TLN2: variants seen among roughly 807,000 people sequenced by gnomAD.
TLN2 encodes the protein talin-2.
In TLN2, 118 loss-of-function variants were observed where a neutral mutation model predicts 294.7. That is an observed-to-expected ratio of 0.40 (90% CI 0.34 to 0.47). The LOEUF is 0.47. Ranked by LOEUF, TLN2 falls within the 20% of genes least tolerant of loss-of-function variation. The probability of loss-of-function intolerance (pLI) is 0.84; values close to 1 mark genes in which losing one functional copy is unlikely to be tolerated. For synonymous variants in TLN2, 1,431 were observed against 1,304.5 expected, an observed-to-expected ratio of 1.10 and a Z score of -2.09; for missense variants, 3,083 against 3,282.2, an observed-to-expected ratio of 0.94 and a Z score of 1.48.
chr15:62,540,320 A>T (rs2140519982), intron 1 of TLN2, among the ~76,000 whole-genome samples: 1 of 151,728 alleles, frequency 6.6e-6, no homozygotes, highest in Admixed American at 6.6e-5. Flanking sequence ...AGCCTGGGTG[A>T]CGGAGTGAGA....
intron 45 of TLN2, among the ~76,000 whole-genome samples, chr15:62,789,456 C>T (rs990407027): frequency 6.6e-5 from 10 of 152,158 alleles, no homozygotes; most frequent in African/African-American, 1.4e-4. Flanking sequence ...CTATATGCAT[C>T]GTGTCACCTC....
intron 28 of TLN2, among the ~76,000 whole-genome samples, chr15:62,732,557 T>A (rs1253839476): frequency 6.6e-6 from 1 of 152,222 alleles, no homozygotes; most frequent in Non-Finnish European, 1.5e-5. Flanking sequence ...TATGTGAACA[T>A]GTTTTTCATC....
Position 62,640,381 on chromosome 15 carries a change from G to C in TLN2, c.-36-6894G>C, listed in dbSNP as rs750878168. The C allele has an allele frequency of 4.1e-4, 187 of 456,692 alleles. No individual in the cohort carries two copies. In the Middle Eastern group the frequency reaches 5.3e-3, roughly 13 times the overall value. The allele number at this position is 456,692 out of a possible 1,614,324, so 28.3% of individuals were successfully genotyped here. A position where few individuals can be genotyped will look rare whatever the true frequency, so the allele number is the denominator to read the frequency against. ...TGAGTGGCTAGAGGCAGAGAGAAGA[G>C]GGGGACGGTGGCCAGCTCTTACTCT... is the stretch of plus-strand genomic sequence containing the variant. On this transcript the variant is annotated intron_variant, in intron 3 of 58. Transcript: ENST00000636159.
intron 1 of TLN2, among the ~76,000 whole-genome samples, chr15:62,486,452 GT>G (rs34975634): frequency 0.33 from 30,496 of 93,508 alleles, 3,822 homozygotes; most frequent in East Asian, 0.61. Context: ...CAGTTCCTTT[GT>G]TTTTTTTTTT....
intron 1 of TLN2, among the ~76,000 whole-genome samples, chr15:62,448,595 G>A (rs2035945597): frequency 1.3e-5 from 2 of 152,244 alleles, no homozygotes; most frequent in Admixed American, 6.5e-5. Context: ...CATGCAGGGG[G>A]AGGGAAAGAC....
intron 27 of TLN2, among the ~76,000 whole-genome samples, chr15:62,725,914 C>T (rs868611303): frequency 3.5e-4 from 54 of 152,246 alleles, no homozygotes; most frequent in African/African-American, 1.2e-3. Flanking sequence ...GGACTTCAGG[C>T]GTAGAACAAT....
chr15:62,836,260 C>A (rs1220758148), intron 57 of TLN2, 187 bp downstream of exon 57: 2 of 863,316 alleles, frequency 2.3e-6, no homozygotes, highest in Admixed American at 2.4e-5. Context: ...CGCTGCCATT[C>A]TCCTCGTGTG....
chr15:62,605,880 G>C (rs917999084), intron 2 of TLN2, among the ~76,000 whole-genome samples: 1 of 152,152 alleles, frequency 6.6e-6, no homozygotes, highest in African/African-American at 2.4e-5. Flanking sequence ...CTCTTCAGAT[G>C]TGCCTGGTAC....
chr15:62,696,280 A>G (rs1021692324), intron 14 of TLN2, among the ~76,000 whole-genome samples: 3 of 152,176 alleles, frequency 2.0e-5, no homozygotes, highest in African/African-American at 7.2e-5. Context: ...CCGCCTCACA[A>G]CACACACAGA....
intron 16 of TLN2, among the ~76,000 whole-genome samples, chr15:62,700,881 A>G (rs925720281): frequency 3.9e-5 from 6 of 152,224 alleles, no homozygotes; most frequent in Non-Finnish European, 8.8e-5. Flanking sequence ...CACAAACAAC[A>G]TAATTAACAT....
intron 35 of TLN2, among the ~76,000 whole-genome samples, chr15:62,753,009 C>T (rs938985): frequency 0.72 from 109,232 of 152,058 alleles, 39,749 homozygotes; most frequent in Admixed American, 0.81. Context: ...AGAGAAACAT[C>T]ACTAGTTTAG....
chr15:62,797,110 T>G, intron 47 of TLN2, 109 bp from the exon 48 acceptor site: 1 of 1,243,128 alleles, frequency 8.0e-7, no homozygotes, highest in Non-Finnish European at 1.1e-6. Context: ...CTTCTCTTCT[T>G]CAAAGCCCTT....
chr15:62,656,793 A>G (rs897538205), intron 8 of TLN2, among the ~76,000 whole-genome samples: 1 of 152,192 alleles, frequency 6.6e-6, no homozygotes, highest in Non-Finnish European at 1.5e-5. Context: ...ATTGGAACAC[A>G]GCTTATGTAT....
chr15:62,688,333 A>G (rs999734773), intron 12 of TLN2, among the ~76,000 whole-genome samples: 2 of 151,790 alleles, frequency 1.3e-5, no homozygotes, highest in African/African-American at 4.8e-5. Context: ...TCTACTATTG[A>G]TTTTTTAGTT....
chr15:62,511,112 C>T (rs1426030172), intron 1 of TLN2, among the ~76,000 whole-genome samples: 2 of 152,226 alleles, frequency 1.3e-5, no homozygotes, highest in Admixed American at 1.3e-4. Flanking sequence ...TTGACCCCTC[C>T]TGTGGTTGTA....
chr15:62,535,521 A>T (rs1247222945), intron 1 of TLN2, among the ~76,000 whole-genome samples: 1 of 150,834 alleles, frequency 6.6e-6, no homozygotes, highest in Non-Finnish European at 1.5e-5. Context: ...TCTGGTATTT[A>T]GCCAAGATTG....
chr15:62,540,485 G>A (rs1181760228), intron 1 of TLN2, among the ~76,000 whole-genome samples: 1 of 151,408 alleles, frequency 6.6e-6, no homozygotes, highest in Non-Finnish European at 1.5e-5. Flanking sequence ...AGGGCGTTAT[G>A]AGAATATGGA....
At chr15:62,438,749 C>T (rs553250183) in intron 1 of TLN2, among the ~76,000 whole-genome samples, 1 of 152,288 alleles carries the variant, frequency 6.6e-6, no homozygotes, top group East Asian at 1.9e-4. Flanking sequence ...CCTCTTCACC[C>T]TGCCAAGTTC....
intron 2 of TLN2, among the ~76,000 whole-genome samples, chr15:62,591,883 G>A (rs2046105208): frequency 1.3e-5 from 2 of 152,190 alleles, no homozygotes; most frequent in Admixed American, 6.5e-5. Context: ...TGAGAATCCA[G>A]GGGTGGATAT....
Sources: gnomAD v4.1 joint callset for allele counts (sites outside exome capture counted in the v4.1 genomes callset) on GRCh38, gnomAD v4.1.1 for gene constraint, MANE v1.5 for transcripts, NCBI Gene and HGNC (gene_info 2026-07-23, HGNC 2026-07-21) for gene names.